CUBN: variants seen among roughly 807,000 people sequenced by gnomAD.
CUBN encodes the protein 460 kDa receptor.
A neutral mutation model predicts 405.3 loss-of-function variants in CUBN; 282 were observed. The observed-to-expected ratio is 0.70, with a 90% CI of 0.63 to 0.77. The LOEUF is 0.77. Ranked by LOEUF, CUBN falls within the 30% of genes least tolerant of loss-of-function variation. CUBN has a pLI of 0.00. For synonymous variants in CUBN, 1,684 were observed against 1,617.0 expected, an observed-to-expected ratio of 1.04 and a Z score of -0.99; for missense variants, 4,514 against 4,475.2, an observed-to-expected ratio of 1.01 and a Z score of -0.25.
rs555366823 is a variant in CUBN, at chr10:16,848,999, C to G, written c.9663+2236G>C. ...GATTACAGACGTGAGTCACCGCACT[C>G]GGCCGGCCAGGTCTCATTTTAGGAA... On this transcript the variant is annotated intron_variant, in intron 60 of 66. Transcript: ENST00000377833. 3.9e-5 allele frequency among the ~76,000 whole-genome samples: 6 copies of G among 152,096 alleles called. No homozygotes were observed. The South Asian group carries it at 1.2e-3, about 32-fold the overall frequency.
At chr10:17,076,585 T>C (rs1407857959) in intron 17 of CUBN, among the ~76,000 whole-genome samples, 1 of 152,094 alleles carries the variant, frequency 6.6e-6, no homozygotes, top group Non-Finnish European at 1.5e-5. Flanking sequence ...AAGGATTGAC[T>C]ATCTATGCTT....
At chr10:16,881,682 CGTTT>C (rs1353420922) in intron 56 of CUBN, among the ~76,000 whole-genome samples, 1 of 152,084 alleles carries the variant, frequency 6.6e-6, no homozygotes. Flanking sequence ...TTCTAGTAGT[CGTTT>C]GTTTAAGGTA....
chr10:17,006,258 C>T (rs1431093231), intron 28 of CUBN, among the ~76,000 whole-genome samples: 1 of 152,144 alleles, frequency 6.6e-6, no homozygotes, highest in African/African-American at 2.4e-5. Context: ...TATCTGCTGG[C>T]AGAGGTTATG....
intron 42 of CUBN, 64 bp downstream of exon 42, chr10:16,925,520 T>C (rs1296185543): frequency 2.1e-5 from 34 of 1,610,862 alleles, no homozygotes; most frequent in Non-Finnish European, 2.7e-5. Context: ...AGAAAAATTA[T>C]CATTTTGTTT....
At chr10:17,019,755 T>C in intron 28 of CUBN, 78 bp downstream of exon 28, 2 of 1,558,820 alleles carry the variant, frequency 1.3e-6, no homozygotes, top group Non-Finnish European at 1.8e-6. Flanking sequence ...GTATTGTTTC[T>C]AAGTTTGGAA....
chr10:16,873,567 C>G (rs1482966639), intron 58 of CUBN, among the ~76,000 whole-genome samples: 1 of 151,692 alleles, frequency 6.6e-6, no homozygotes, highest in African/African-American at 2.4e-5. Context: ...ACCAGAAATA[C>G]AAAACTGAGC....
At chr10:17,015,020 AC>A (rs924485514) in intron 28 of CUBN, among the ~76,000 whole-genome samples, 4 of 152,308 alleles carry the variant, frequency 2.6e-5, no homozygotes, top group East Asian at 1.9e-4. Flanking sequence ...AGGAACCACC[AC>A]CTCATTGATG....
chr10:16,899,197 A>C lies in CUBN; in HGVS notation c.8411-14T>G. ...TTCCACCACAACCTGAAATATTGCC[A>C]TGTAAAAAGCCATCAATCAGCAAGG... On this transcript the variant is annotated splice_polypyrimidine_tract_variant and intron_variant, in intron 53 of 66. Coordinates refer to ENST00000377833, the MANE Select transcript of CUBN (RefSeq NM_001081.4). 6.2e-7 allele frequency: 1 copy of C among 1,608,474 alleles called. No homozygotes were observed. Among genetic ancestry groups the C allele is most frequent in the Non-Finnish European group, 8.5e-7 (1 of 1,174,798 alleles).
chr10:17,083,757 G>A (rs1836028737), intron 17 of CUBN, among the ~76,000 whole-genome samples: 1 of 152,054 alleles, frequency 6.6e-6, no homozygotes, highest in Admixed American at 6.5e-5. Flanking sequence ...AAAAAACAAT[G>A]TTTTATCTTG....
intron 32 of CUBN, among the ~76,000 whole-genome samples, chr10:16,952,844 C>T (rs1432257400): frequency 1.3e-5 from 2 of 152,118 alleles, no homozygotes; most frequent in Non-Finnish European, 2.9e-5. Context: ...GAGGGAGAGG[C>T]GGTCACCGCT....
At chr10:16,919,822 G>T in intron 44 of CUBN, 141 bp downstream of exon 44, 1 of 929,262 alleles carries the variant, frequency 1.1e-6, no homozygotes, top group Non-Finnish European at 1.7e-6. Context: ...TGTGTTTTCA[G>T]GCCTGAGCCA....
At chr10:16,957,674 T>A (rs1843105360) in intron 31 of CUBN, among the ~76,000 whole-genome samples, 1 of 152,126 alleles carries the variant, frequency 6.6e-6, no homozygotes, top group Admixed American at 6.5e-5. Context: ...TATGGACATT[T>A]CTCAAAAAAT....
intron 43 of CUBN, among the ~76,000 whole-genome samples, chr10:16,920,915 A>G (rs1464760444): frequency 2.6e-5 from 4 of 152,152 alleles, no homozygotes; most frequent in Admixed American, 6.5e-5. Flanking sequence ...CACATCCTGA[A>G]TTCTGTCATA....
intron 33 of CUBN, 98 bp from the exon 34 acceptor site, chr10:16,950,209 T>A: frequency 1.3e-6 from 1 of 785,004 alleles, no homozygotes; most frequent in Non-Finnish European, 2.2e-6. Flanking sequence ...TTAATGACTA[T>A]AAAAAATAGA....
At chr10:16,830,338 C>T (rs7087360) in intron 65 of CUBN, among the ~76,000 whole-genome samples, 1 of 152,008 alleles carries the variant, frequency 6.6e-6, no homozygotes, top group Non-Finnish European at 1.5e-5. Flanking sequence ...TTATAGAACG[C>T]TTTTCTTAAG....
chr10:16,886,039 T>C (rs1013551834), intron 56 of CUBN, among the ~76,000 whole-genome samples: 5 of 152,202 alleles, frequency 3.3e-5, no homozygotes, highest in Non-Finnish European at 7.3e-5. Context: ...ACAAACTATT[T>C]TACCCTCCCT....
At chr10:16,855,006 C>A (rs985959964) in intron 59 of CUBN, among the ~76,000 whole-genome samples, 4 of 136,908 alleles carry the variant, frequency 2.9e-5, no homozygotes, top group Admixed American at 7.5e-5. Flanking sequence ...CCTTTTTTCT[C>A]TCTCTCTCTT....
At chr10:17,011,697 C>A (rs1834192047) in intron 28 of CUBN, among the ~76,000 whole-genome samples, 1 of 152,142 alleles carries the variant, frequency 6.6e-6, no homozygotes. Flanking sequence ...CTGATTGGTC[C>A]ATTTTACAGA....
At chr10:17,058,924 C>A (rs1835448741) in intron 22 of CUBN, among the ~76,000 whole-genome samples, 1 of 151,800 alleles carries the variant, frequency 6.6e-6, no homozygotes, top group African/African-American at 2.4e-5. Context: ...TCTTGTATTG[C>A]CAAAGGAAAA....
Sources: gnomAD v4.1 joint callset for allele counts (sites outside exome capture counted in the v4.1 genomes callset) on GRCh38, gnomAD v4.1.1 for gene constraint, MANE v1.5 for transcripts, NCBI Gene and HGNC (gene_info 2026-07-23, HGNC 2026-07-21) for gene names.